The following DNAJC8 variants were observed in gnomAD, a reference collection of about 807,000 sequenced individuals.
DNAJC8 encodes the protein dnaJ homolog subfamily C member 8.
A neutral mutation model predicts 43.2 loss-of-function variants in DNAJC8; 24 were observed. That is an observed-to-expected ratio of 0.56 (90% CI 0.40 to 0.78). The LOEUF is 0.78. Ranked by LOEUF, DNAJC8 falls within the 30% of genes least tolerant of loss-of-function variation. The pLI, the probability that DNAJC8 is intolerant of heterozygous loss-of-function variation, is 0.00. For missense variants in DNAJC8, 207 were observed against 299.4 expected (o/e 0.69, Z 2.28); for synonymous variants, 83 against 98.0 (o/e 0.85, Z 0.90).
chr1:28,212,168 A>AATAAAAAT lies in DNAJC8; in HGVS notation c.238-1532_238-1531insATTTTTAT, dbSNP rs35950985. On this transcript the variant is annotated intron_variant, in intron 3 of 8. Transcript: ENST00000263697. The stretch of plus-strand genomic sequence containing the variant: ...CGGACTCCGTCTCAATAAATAAATA[A>AATAAAAAT]ATATATATATATATATATATATATA... 9.6e-3 allele frequency among the ~76,000 whole-genome samples: 299 copies of AATAAAAAT among 31,004 alleles called. 17 individuals carry two copies. The highest frequency in any genetic ancestry group is 0.016 in the Non-Finnish European group (230 of 14,248). The allele number at this position is 31,004 out of a possible 152,430, so 20.3% of individuals were successfully genotyped here.
chr1:28,208,306 C>T (rs775464732), intron 6 of DNAJC8, 36 bp downstream of exon 6: 1 of 1,558,236 alleles, frequency 6.4e-7, no homozygotes, highest in South Asian at 1.2e-5. Context: ...GACACAATCA[C>T]ACAAGATACA....
In DNAJC8 at chr1:28,200,459, G is replaced by T. The variant is rs1646725566; in HGVS notation, c.*789C>A. 1 of 455,744 alleles carries T rather than the reference G, an allele frequency of 2.2e-6. No homozygotes were observed. Among genetic ancestry groups the T allele is most frequent in the Non-Finnish European group, 4.4e-6 (1 of 226,680 alleles). 28.2% of individuals were successfully genotyped at this position (455,744 alleles called of 1,614,324 possible). ...CCATTTCATAGATGAAGAAACTAAG[G>T]TTCAGCCAGGTCTGTCCAACCCCAA... On this transcript the variant is annotated 3_prime_UTR_variant, in exon 9 of 9. Coordinates refer to ENST00000263697, the MANE Select transcript of DNAJC8 (RefSeq NM_014280.3).
intron 8 of DNAJC8, among the ~76,000 whole-genome samples, chr1:28,202,303 G>A (rs1041054596): frequency 1.3e-5 from 2 of 152,060 alleles, no homozygotes; most frequent in Non-Finnish European, 2.9e-5. Flanking sequence ...TTTGTGAGAT[G>A]CAGTCTCGCT....
At chr1:28,231,363 TA>T (rs1292143956) in intron 1 of DNAJC8, among the ~76,000 whole-genome samples, 1 of 152,038 alleles carries the variant, frequency 6.6e-6, no homozygotes, top group Non-Finnish European at 1.5e-5. Flanking sequence ...TAAATTAAAT[TA>T]ACTCTCTTGT....
At chr1:28,205,425 G>C in intron 6 of DNAJC8, 76 bp from the exon 7 acceptor site, 1 of 1,113,422 alleles carries the variant, frequency 9.0e-7, no homozygotes, top group Non-Finnish European at 1.3e-6. Context: ...ACTTTCACCT[G>C]GAGTCCAAGA....
rs751173632 is a variant in DNAJC8 at position 28,208,325 on chromosome 1, T to C, written c.471+17A>G. 4 of 1,600,718 alleles carry C rather than the reference T, an allele frequency of 2.5e-6. No homozygotes were observed. The highest frequency in any genetic ancestry group is 1.7e-4 in the Middle Eastern group (1 of 6,006). On this transcript the variant is annotated intron_variant, in intron 6 of 8. Coordinates refer to ENST00000263697, the MANE Select transcript of DNAJC8 (RefSeq NM_014280.3). The stretch of plus-strand genomic sequence containing the variant: ...CAATCACACAAGATACAGTGGCTTT[T>C]CCTATATTTAACTCACCAGCTCAGG...
At chr1:28,215,423 A>G (rs1646844373) in intron 2 of DNAJC8, among the ~76,000 whole-genome samples, 1 of 152,158 alleles carries the variant, frequency 6.6e-6, no homozygotes. Flanking sequence ...GTGGTTCTCA[A>G]TCAGAGTGAA....
rs550335456 is a variant in DNAJC8 at position 28,209,607 on chromosome 1, C to T, written c.399+365G>A. Among the ~76,000 whole-genome samples the T allele has an allele frequency of 3.3e-5, 5 of 152,294 alleles. No homozygotes were observed. In the East Asian group the frequency reaches 9.6e-4, roughly 29 times the overall value. ...TTGCCAAGCCTTGTTGCAAACCCTT[C>T]ACAGGGACAAGAATAAAAATCAAGA... On this transcript the variant is annotated intron_variant, in intron 5 of 8. Transcript: ENST00000263697.
chr1:28,213,053 AC>A (rs1175698295), intron 3 of DNAJC8, among the ~76,000 whole-genome samples: 1 of 152,218 alleles, frequency 6.6e-6, no homozygotes, highest in Non-Finnish European at 1.5e-5. Context: ...TTAAATTCTT[AC>A]AACAAACTCA....
At chr1:28,219,781 A>G (rs1357373409) in intron 2 of DNAJC8, among the ~76,000 whole-genome samples, 1 of 152,050 alleles carries the variant, frequency 6.6e-6, no homozygotes, top group African/African-American at 2.4e-5. Context: ...GGTTCAAGCA[A>G]TTCTCCTGCC....
chr1:28,205,433 A>G (rs747365407), intron 6 of DNAJC8, 84 bp from the exon 7 acceptor site: 37 of 990,286 alleles, frequency 3.7e-5, no homozygotes, highest in Non-Finnish European at 5.2e-5. Flanking sequence ...CTGGAGTCCA[A>G]GATAAAGCAG....
chr1:28,210,209 AC>A lies in DNAJC8; in HGVS notation c.305-144del, dbSNP rs563432148. On this transcript the variant is annotated intron_variant, in intron 4 of 8. Coordinates refer to ENST00000263697, the MANE Select transcript of DNAJC8 (RefSeq NM_014280.3). ...CTGTCGTTAAACTAAGTTAAAAAAAACATTCAACTATAGCAATGACTTTCCT... is the reference window on the plus strand; with the variant it reads ...CTGTCGTTAAACTAAGTTAAAAAAAAATTCAACTATAGCAATGACTTTCCT... The A allele has an allele frequency of 3.8e-4, 272 of 707,234 alleles. 1 individual carries two copies. The East Asian group carries it at 6.1e-3, about 16-fold the overall frequency. 43.8% of individuals were successfully genotyped at this position (707,234 alleles called of 1,614,324 possible).
intron 3 of DNAJC8, 149 bp downstream of exon 3, chr1:28,214,791 T>C (rs781204810): frequency 2.0e-6 from 1 of 507,092 alleles, no homozygotes; most frequent in Non-Finnish European, 3.5e-6. Context: ...TTATATATTA[T>C]TATGAGCTTT....
intron 4 of DNAJC8, 37 bp downstream of exon 4, chr1:28,210,534 C>A: frequency 6.4e-7 from 1 of 1,573,718 alleles, no homozygotes; most frequent in Non-Finnish European, 8.7e-7. Context: ...CTGCCATTCA[C>A]AATCTAATAC....
At chr1:28,220,310 G>T (rs1646890221) in intron 2 of DNAJC8, among the ~76,000 whole-genome samples, 1 of 152,212 alleles carries the variant, frequency 6.6e-6, no homozygotes, top group South Asian at 2.1e-4. Context: ...TTTACCTGCG[G>T]CCGGTCCTCT....
chr1:28,202,556 G>T (rs2149013990), intron 8 of DNAJC8, among the ~76,000 whole-genome samples: 1 of 149,912 alleles, frequency 6.7e-6, no homozygotes, highest in South Asian at 2.1e-4. Context: ...TGGGATTACA[G>T]GCATGAGCCA....
In DNAJC8 at chr1:28,210,032, C is replaced by G; in HGVS notation, c.339G>C (p.Gln113His). 3.7e-6 allele frequency: 6 copies of G among 1,614,114 alleles called. No individual in the cohort carries two copies. The highest frequency in any genetic ancestry group is 5.1e-6 in the Non-Finnish European group (6 of 1,179,986). The change falls in exon 5 of 9, where the codon CAG (glutamine) becomes CAC (histidine). Residue 113 changes from glutamine to histidine, a missense_variant. This residue lies in a region of DNAJC8 where 159 missense variants were observed against 267.5 expected (regional missense o/e 0.59). Transcript: ENST00000263697. ...VDKAYKLLLD[Q>H]EQKKRALDVI... Reference sequence around the variant, plus strand: ...CATCCAGGGCCCTCTTCTTTTGCTCCTGATCCAGTAGCAACTTGTAAGCTT... The same window carrying G: ...CATCCAGGGCCCTCTTCTTTTGCTCGTGATCCAGTAGCAACTTGTAAGCTT...
chr1:28,203,620 T>G, intron 8 of DNAJC8, 127 bp downstream of exon 8: 1 of 925,488 alleles, frequency 1.1e-6, no homozygotes, highest in Admixed American at 1.9e-5. Context: ...AGCCTCATTC[T>G]TCACCTCTCC....
intron 2 of DNAJC8, among the ~76,000 whole-genome samples, chr1:28,223,490 G>C (rs549075613): frequency 6.6e-6 from 1 of 152,096 alleles, no homozygotes; most frequent in African/African-American, 2.4e-5. Context: ...AGAGTACAGC[G>C]GGGTGAGGAG....
Sources: allele counts gnomAD v4.1 joint callset (sites outside exome capture counted in the v4.1 genomes callset), GRCh38; gene constraint gnomAD v4.1.1; regional missense constraint gnomAD v4.1.1; transcripts MANE v1.5; gene names NCBI Gene and HGNC (gene_info 2026-07-23, HGNC 2026-07-21).